Variants in LARP1 observed in about 807,000 individuals in gnomAD.
The protein encoded by LARP1 is la-related protein 1.
Under a neutral mutation model 122.7 loss-of-function variants are expected in LARP1, and 36 were observed. That is an observed-to-expected ratio of 0.29 (90% CI 0.22 to 0.39). The LOEUF is 0.39. Ranked by LOEUF, LARP1 falls within the 10% of genes least tolerant of loss-of-function variation. The probability of loss-of-function intolerance (pLI) is 1.00; values close to 1 mark genes in which losing one functional copy is unlikely to be tolerated. For synonymous variants in LARP1, 539 were observed against 528.7 expected (o/e 1.02, Z -0.27); for missense variants, 1,040 against 1,403.6 (o/e 0.74, Z 4.14).
chr5:154,779,893 C>T (rs578076189), intron 1 of LARP1, among the ~76,000 whole-genome samples: 1 of 152,146 alleles, frequency 6.6e-6, no homozygotes, highest in Admixed American at 6.5e-5. Flanking sequence ...GGGCAGCACC[C>T]TGGCTGCTGA....
chr5:154,740,531 C>T (rs916783360), intron 1 of LARP1, among the ~76,000 whole-genome samples: 1 of 152,180 alleles, frequency 6.6e-6, no homozygotes, highest in Non-Finnish European at 1.5e-5. Flanking sequence ...GAGGATTCTC[C>T]CTGTTTTACA....
intron 1 of LARP1, among the ~76,000 whole-genome samples, chr5:154,730,291 C>T (rs746783570): frequency 2.0e-5 from 3 of 146,628 alleles, no homozygotes; most frequent in Non-Finnish European, 4.5e-5. Context: ...TGGGTTCAAA[C>T]GATTCTCCCA....
At chr5:154,783,781 C>A (rs148597557) in intron 1 of LARP1, among the ~76,000 whole-genome samples, 4 of 152,248 alleles carry the variant, frequency 2.6e-5, no homozygotes, top group African/African-American at 9.6e-5. Flanking sequence ...ATTATTTACA[C>A]GTGTAATTCG....
At chr5:154,693,076 C>T (rs555911480) in intron 1 of LARP1, among the ~76,000 whole-genome samples, 2 of 151,282 alleles carry the variant, frequency 1.3e-5, no homozygotes, top group East Asian at 3.9e-4. Context: ...CCTCCTGCCT[C>T]AGCCTCCCAA....
intron 1 of LARP1, among the ~76,000 whole-genome samples, chr5:154,789,746 G>C (rs1757192278): frequency 6.6e-6 from 1 of 152,196 alleles, no homozygotes; most frequent in Non-Finnish European, 1.5e-5. Context: ...AGGTAGGACT[G>C]TTGAGTCAAG....
chr5:154,722,686 T>G (rs575442488), intron 1 of LARP1, among the ~76,000 whole-genome samples: 4 of 149,736 alleles, frequency 2.7e-5, no homozygotes, highest in Non-Finnish European at 5.9e-5. Flanking sequence ...AGGTTTTTTT[T>G]TTTTTTTTTT....
At chr5:154,767,658 A>G (rs534491706) in intron 1 of LARP1, among the ~76,000 whole-genome samples, 44 of 151,794 alleles carry the variant, frequency 2.9e-4, no homozygotes, top group African/African-American at 9.7e-4. Flanking sequence ...AAACTCTCCC[A>G]CTCTCTTTCA....
chr5:154,781,752 C>T (rs1358534389), intron 1 of LARP1, among the ~76,000 whole-genome samples: 3 of 152,148 alleles, frequency 2.0e-5, no homozygotes. Context: ...GATTTTCTTG[C>T]AATTTTTGTT....
chr5:154,781,420 G>T (rs551407969), intron 1 of LARP1, among the ~76,000 whole-genome samples: 116 of 152,146 alleles, frequency 7.6e-4, no homozygotes, highest in African/African-American at 2.6e-3. Context: ...GTGAAACCCT[G>T]TCTCTACTAA....
Position 154,698,168 on chromosome 5 carries a change from C to T in LARP1, c.-180+15131C>T, listed in dbSNP as rs760057799. On this transcript the variant is annotated intron_variant, in intron 1 of 18. Coordinates refer to the LARP1 transcript ENST00000687700. ...AATAATTGTACATTTTTATGGTAAA[C>T]AGCGTGATATTTCAATACATATATA... is the stretch of plus-strand genomic sequence containing the variant. 5.3e-5 allele frequency among the ~76,000 whole-genome samples: 8 copies of T among 152,228 alleles called. No individual in the cohort carries two copies. In the South Asian group the frequency reaches 1.2e-3, roughly 24 times the overall value.
At chr5:154,806,144 A>G (rs1758760706) in intron 15 of LARP1, 112 bp downstream of exon 15, 2 of 1,149,590 alleles carry the variant, frequency 1.7e-6, no homozygotes, top group Admixed American at 2.6e-5. Context: ...TTCAGAGCAA[A>G]AAAAAGACAT....
At chr5:154,810,435 C>CA (rs1295412012) in intron 16 of LARP1, among the ~76,000 whole-genome samples, 5 of 146,132 alleles carry the variant, frequency 3.4e-5, no homozygotes, top group Admixed American at 2.0e-4. Flanking sequence ...GACTCTGTCT[C>CA]AAAAAAAAGA....
chr5:154,721,070 C>T (rs778728917), intron 1 of LARP1, among the ~76,000 whole-genome samples: 5 of 151,286 alleles, frequency 3.3e-5, no homozygotes, highest in Non-Finnish European at 7.4e-5. Flanking sequence ...GTGCTGGGCA[C>T]GGTGGTTCAC....
At chr5:154,693,640 G>A (rs933050568) in intron 1 of LARP1, among the ~76,000 whole-genome samples, 2 of 152,036 alleles carry the variant, frequency 1.3e-5, no homozygotes, top group Non-Finnish European at 2.9e-5. Flanking sequence ...CGGATCACGA[G>A]GTCAGGAGAT....
intron 1 of LARP1, among the ~76,000 whole-genome samples, chr5:154,688,653 CAAAAAAAAAAA>C (rs10677648): frequency 1.3e-5 from 1 of 79,484 alleles, no homozygotes; most frequent in Non-Finnish European, 2.2e-5. Flanking sequence ...GACTCCATCT[CAAAAAAAAAAA>C]AAAAAAAAAA....
chr5:154,783,293 C>G (rs1026414139), intron 1 of LARP1, among the ~76,000 whole-genome samples: 22 of 152,154 alleles, frequency 1.4e-4, no homozygotes, highest in African/African-American at 5.3e-4. Context: ...GCTGCCAGTG[C>G]CAGAGTGCTG....
intron 1 of LARP1, among the ~76,000 whole-genome samples, chr5:154,747,318 A>G (rs1256504896): frequency 6.6e-6 from 1 of 151,650 alleles, no homozygotes; most frequent in East Asian, 1.9e-4. Flanking sequence ...AAAAAAAAAA[A>G]AAGAAAAAGA....
chr5:154,711,977 C>G (rs1755244266), upstream of LARP1, among the ~76,000 whole-genome samples: 1 of 152,278 alleles, frequency 6.6e-6, no homozygotes, highest in South Asian at 2.1e-4. Context: ...ATCATATCAA[C>G]CTATTTCATT....
At position 154,755,995 on chromosome 5, in the gene LARP1, C is replaced by T; in HGVS notation, c.238C>T (p.Gln80Ter). 9.9e-7 allele frequency: 1 copy of T among 1,010,860 alleles called. No homozygotes were observed. The highest frequency in any genetic ancestry group is 1.2e-6 in the Non-Finnish European group (1 of 848,354). 62.6% of individuals were successfully genotyped at this position (1,010,860 alleles called of 1,614,324 possible). ...GGAGCGCGAGAGCCCGCGGCCGCTG[C>T]AGCTGCCCGGCGCCGAAGGCCCGGC... is the stretch of plus-strand genomic sequence containing the variant. ...QQERESPRPL[Q>*]LPGAEGPAIS... The change falls in exon 1 of 19, where the codon CAG becomes TAG. Residue 80 changes from glutamine (Q) to a stop codon, truncating the protein, a stop_gained. Coordinates refer to ENST00000518297, the MANE Select transcript of LARP1 (RefSeq NM_033551.3). LOFTEE classifies it high-confidence loss of function.
Sources: allele counts gnomAD v4.1 joint callset (sites outside exome capture counted in the v4.1 genomes callset), GRCh38; gene constraint gnomAD v4.1.1; transcripts MANE v1.5; gene names NCBI Gene and HGNC (gene_info 2026-07-23, HGNC 2026-07-21).